Variants in CDH12 observed in about 807,000 individuals in gnomAD.
CDH12 encodes the protein cadherin-12.
In CDH12, 41 loss-of-function variants were observed where a neutral mutation model predicts 74.1. That is an observed-to-expected ratio of 0.55 (90% confidence interval 0.43 to 0.72). The LOEUF (loss-of-function observed/expected upper bound fraction) is 0.72. Among genes scored for constraint, CDH12 ranks in the 30% least tolerant of loss-of-function variants. The probability of loss-of-function intolerance (pLI) is 0.00; values close to 1 mark genes in which losing one functional copy is unlikely to be tolerated. For synonymous variants in CDH12, 399 were observed against 355.0 expected (o/e 1.12, Z -1.39); for missense variants, 945 against 977.2 (o/e 0.97, Z 0.44).
chr5:22,378,853 T>G (rs1160015240), intron 3 of CDH12, among the ~76,000 whole-genome samples: 1 of 152,094 alleles, frequency 6.6e-6, no homozygotes, highest in Non-Finnish European at 1.5e-5. Flanking sequence ...TTTTCCTAGG[T>G]CATAAAGTAT....
chr5:22,710,959 G>T (rs926782793), intron 1 of CDH12, among the ~76,000 whole-genome samples: 19 of 152,110 alleles, frequency 1.2e-4, no homozygotes, highest in Admixed American at 4.6e-4. Flanking sequence ...GTAATGTATT[G>T]TCTGGTCACT....
intron 1 of CDH12, among the ~76,000 whole-genome samples, chr5:22,619,902 T>C (rs1737885489): frequency 6.6e-6 from 1 of 152,138 alleles, no homozygotes; most frequent in Non-Finnish European, 1.5e-5. Context: ...CAGTGTCAAT[T>C]AAAATTATTA....
At position 22,281,218 on chromosome 5, in the gene CDH12, G is replaced by A. The variant is rs192191337; in HGVS notation, c.-332-68575C>T. ...TCAATAAATTAGGTATTGGTGGGACGTTATCTCAAAATAATAAGAGCTATT... is the reference window on the plus strand; with the variant it reads ...TCAATAAATTAGGTATTGGTGGGACATTATCTCAAAATAATAAGAGCTATT... On this transcript the variant is annotated intron_variant, in intron 3 of 14. Coordinates refer to ENST00000382254, the MANE Select transcript of CDH12 (RefSeq NM_004061.5). Among the ~76,000 whole-genome samples the A allele has an allele frequency of 2.5e-3, 375 of 152,094 alleles. 3 individuals are homozygous for A. The highest frequency in any genetic ancestry group is 8.8e-3 in the African/African-American group (367 of 41,528).
intron 1 of CDH12, among the ~76,000 whole-genome samples, chr5:22,712,095 ATGCTCAGTAAG>A (rs1275680958): frequency 6.6e-6 from 1 of 152,022 alleles, no homozygotes; most frequent in African/African-American, 2.4e-5. Flanking sequence ...CACACAGTAA[ATGCTCAGTAAG>A]TGGTGTTATA....
chr5:22,580,394 G>C (rs1005392186), intron 1 of CDH12: 1 of 489,220 alleles, frequency 2.0e-6, no homozygotes, highest in African/African-American at 2.0e-5. Context: ...CCCCATCGTA[G>C]GGTGGGTAGG....
chr5:22,641,663 C>G (rs1739158805), intron 1 of CDH12, among the ~76,000 whole-genome samples: 1 of 152,290 alleles, frequency 6.6e-6, no homozygotes, highest in East Asian at 1.9e-4. Flanking sequence ...GCCCTTTGCA[C>G]TAACCAAGGC....
intron 5 of CDH12, among the ~76,000 whole-genome samples, chr5:21,989,684 T>G (rs1479391982): frequency 6.6e-6 from 1 of 152,322 alleles, no homozygotes; most frequent in East Asian, 1.9e-4. Context: ...AAAAAGAATA[T>G]GCTAAAACTT....
At chr5:22,133,727 A>G (rs1208639611) in intron 4 of CDH12, among the ~76,000 whole-genome samples, 1 of 152,110 alleles carries the variant, frequency 6.6e-6, no homozygotes, top group East Asian at 1.9e-4. Flanking sequence ...TTTATATTCT[A>G]TACATCTATA....
intron 3 of CDH12, among the ~76,000 whole-genome samples, chr5:22,260,742 A>G (rs1202954437): frequency 6.6e-6 from 1 of 152,068 alleles, no homozygotes; most frequent in African/African-American, 2.4e-5. Flanking sequence ...ATGATCAATT[A>G]GATCAGTGCC....
At chr5:21,953,873 A>G (rs2150103541) in intron 6 of CDH12, among the ~76,000 whole-genome samples, 1 of 152,274 alleles carries the variant, frequency 6.6e-6, no homozygotes, top group South Asian at 2.1e-4. Context: ...TAGGCCTTAC[A>G]GAAAATTGGT....
chr5:22,290,607 G>C (rs1737342231), intron 3 of CDH12, among the ~76,000 whole-genome samples: 1 of 152,054 alleles, frequency 6.6e-6, no homozygotes, highest in East Asian at 1.9e-4. Flanking sequence ...GAAGAACAAA[G>C]AAAAAGGAGT....
chr5:21,906,804 C>T (rs1431614192), intron 6 of CDH12, among the ~76,000 whole-genome samples: 2 of 152,156 alleles, frequency 1.3e-5, no homozygotes, highest in African/African-American at 2.4e-5. Context: ...TGCCTTTACT[C>T]ACAAATATGA....
chr5:22,717,526 G>A (rs145046270), intron 1 of CDH12, among the ~76,000 whole-genome samples: 20 of 152,280 alleles, frequency 1.3e-4, no homozygotes, highest in Non-Finnish European at 2.5e-4. Context: ...TGGCATATCT[G>A]TATAGGCAAG....
At chr5:22,057,385 C>G (rs1366607208) in intron 5 of CDH12, among the ~76,000 whole-genome samples, 1 of 151,966 alleles carries the variant, frequency 6.6e-6, no homozygotes, top group Non-Finnish European at 1.5e-5. Flanking sequence ...AAATAAAGGA[C>G]AGCATGAGCA....
At chr5:22,409,403 C>T (rs1378089859) in intron 2 of CDH12, among the ~76,000 whole-genome samples, 1 of 151,804 alleles carries the variant, frequency 6.6e-6, no homozygotes, top group Non-Finnish European at 1.5e-5. Flanking sequence ...GAAAGATACC[C>T]CATATTTCAA....
At chr5:22,782,236 G>A (rs1259510204) in intron 1 of CDH12, among the ~76,000 whole-genome samples, 1 of 152,072 alleles carries the variant, frequency 6.6e-6, no homozygotes, top group Non-Finnish European at 1.5e-5. Context: ...ATTTGGGAGG[G>A]AACAGGTGAA....
intron 5 of CDH12, among the ~76,000 whole-genome samples, chr5:22,046,321 A>G (rs1739947666): frequency 6.6e-6 from 1 of 152,188 alleles, no homozygotes. Flanking sequence ...CACCATTCTG[A>G]CAAAGTAGAA....
At position 22,216,729 on chromosome 5, in the gene CDH12, G is replaced by A. The variant is rs566378053; in HGVS notation, c.-332-4086C>T. On this transcript the variant is annotated intron_variant, in intron 3 of 14. Transcript: ENST00000382254. ...AAGAGAAATTTTTATTTTTGATTCC[G>A]GTTTCACGCACATATACTCATGAGT... Among the ~76,000 whole-genome samples, 3 of 151,740 alleles carry A rather than the reference G, an allele frequency of 2.0e-5. No individual in the cohort carries two copies. In the East Asian group the frequency reaches 5.8e-4, roughly 30 times the overall value.
chr5:22,466,941 G>A (rs1178385807), intron 2 of CDH12, among the ~76,000 whole-genome samples: 1 of 151,168 alleles, frequency 6.6e-6, no homozygotes, highest in East Asian at 2.0e-4. Context: ...GGCACGTGCC[G>A]CCAAGGCCTG....
Sources: gnomAD v4.1 joint callset for allele counts (sites outside exome capture counted in the v4.1 genomes callset) on GRCh38, gnomAD v4.1.1 for gene constraint, MANE v1.5 for transcripts, NCBI Gene and HGNC (gene_info 2026-07-23, HGNC 2026-07-21) for gene names.